The following GRM5 variants were observed in gnomAD, a reference collection of about 807,000 sequenced individuals.
GRM5 encodes the protein glutamate metabotropic receptor 5.
A neutral mutation model predicts 83.1 loss-of-function variants in GRM5; 19 were observed. The ratio of observed to expected loss-of-function variants is 0.23; its 90% CI spans 0.16 to 0.34. The LOEUF (loss-of-function observed/expected upper bound fraction) is 0.34. Ranked by LOEUF, GRM5 falls within the 10% of genes least tolerant of loss-of-function variation. The pLI is 1.00. For missense variants in GRM5, 1,160 were observed against 1,588.3 expected (o/e 0.73, Z 4.58); for synonymous variants, 675 against 633.6 (o/e 1.07, Z -0.98).
At chr11:88,705,093 GTAAGACAGT>G (rs1196250757) in intron 3 of GRM5, among the ~76,000 whole-genome samples, 1 of 151,998 alleles carries the variant, frequency 6.6e-6, no homozygotes, top group African/African-American at 2.4e-5. Flanking sequence ...TATGTTATAG[GTAAGACAGT>G]TAACACAATA....
rs529937076 is a variant in GRM5 at position 88,891,181 on chromosome 11, G to C, written c.662-41026C>G. Among the ~76,000 whole-genome samples, 20 of 152,068 alleles carry C rather than the reference G, an allele frequency of 1.3e-4. No homozygotes were observed. The South Asian group carries it at 4.0e-3, about 30-fold the overall frequency. ...TAAGATTAGATGGAATTGTCTTTAG[G>C]GTGGCATTTAATCAAATTGGGGTTA... On this transcript the variant is annotated intron_variant, in intron 2 of 9. Coordinates refer to ENST00000305447, the MANE Select transcript of GRM5 (RefSeq NM_001143831.3).
chr11:88,876,782 G>A (rs376189321), intron 2 of GRM5, among the ~76,000 whole-genome samples: 28 of 152,092 alleles, frequency 1.8e-4, no homozygotes, highest in Non-Finnish European at 2.5e-4. Context: ...GAACACAAAC[G>A]TTTATTGATT....
intron 4 of GRM5, among the ~76,000 whole-genome samples, chr11:88,612,128 C>A (rs1289158770): frequency 7.1e-6 from 1 of 141,118 alleles, no homozygotes; most frequent in Non-Finnish European, 1.5e-5. Context: ...TCCCCCCATC[C>A]CACCACAGTC....
chr11:88,639,212 G>A (rs909536654), intron 4 of GRM5, among the ~76,000 whole-genome samples: 1 of 152,060 alleles, frequency 6.6e-6, no homozygotes, highest in Non-Finnish European at 1.5e-5. Context: ...GTTCTGTCCC[G>A]GGTCATGCGT....
At chr11:88,735,333 G>T (rs976852183) in intron 3 of GRM5, among the ~76,000 whole-genome samples, 1 of 151,944 alleles carries the variant, frequency 6.6e-6, no homozygotes, top group African/African-American at 2.4e-5. Context: ...CATTCATTTT[G>T]CTGAAAAATG....
chr11:88,740,119 G>C (rs1028819360), intron 3 of GRM5, among the ~76,000 whole-genome samples: 1 of 151,930 alleles, frequency 6.6e-6, no homozygotes, highest in African/African-American at 2.4e-5. Context: ...ACTTTGTAAT[G>C]GCTAAGTACA....
intron 2 of GRM5, among the ~76,000 whole-genome samples, chr11:88,919,210 A>G (rs1283234327): frequency 8.1e-6 from 1 of 123,770 alleles, no homozygotes; most frequent in African/African-American, 2.8e-5. Context: ...ATCCCACACC[A>G]ATGGCATTCG....
At position 88,767,070 on chromosome 11, in the gene GRM5, C is replaced by T. The variant is rs149101236; in HGVS notation, c.911+82836G>A. On this transcript the variant is annotated intron_variant, in intron 3 of 9. Coordinates refer to ENST00000305447, the MANE Select transcript of GRM5 (RefSeq NM_001143831.3). The stretch of plus-strand genomic sequence containing the variant: ...GTTTGATACAGCTGGAGTGCAGTGT[C>T]ATAATCACAGTTCACTTCAACCCCA... Among the ~76,000 whole-genome samples, 265 of 151,944 alleles carry T rather than the reference C, an allele frequency of 1.7e-3. 1 individual carries two copies. The highest frequency in any genetic ancestry group is 3.6e-3 in the Admixed American group (55 of 15,202).
chr11:88,520,940 G>GTAA (rs1364675123), intron 9 of GRM5, among the ~76,000 whole-genome samples: 2 of 152,092 alleles, frequency 1.3e-5, no homozygotes, highest in African/African-American at 2.4e-5. Flanking sequence ...TCACAAAAGA[G>GTAA]TAATAATAAT....
intron 2 of GRM5, among the ~76,000 whole-genome samples, chr11:88,867,115 C>T (rs1011649224): frequency 8.6e-5 from 13 of 151,060 alleles, no homozygotes; most frequent in Admixed American, 6.0e-4. Flanking sequence ...GTAGCCTTGT[C>T]GTATAGCTTA....
chr11:88,960,037 A>ACCT (rs1938735690), intron 2 of GRM5, among the ~76,000 whole-genome samples: 1 of 152,136 alleles, frequency 6.6e-6, no homozygotes, highest in African/African-American at 2.4e-5. Flanking sequence ...CAAGCCATGC[A>ACCT]GACTCCGGGT....
In GRM5 at chr11:88,797,934, C is replaced by T. The variant is rs79394987; in HGVS notation, c.911+51972G>A. 8.7e-3 allele frequency among the ~76,000 whole-genome samples: 1,318 copies of T among 151,976 alleles called. 12 individuals carry two copies. Among genetic ancestry groups the T allele is most frequent in the Middle Eastern group, 0.055 (16 of 292 alleles). ...AGAATAAACATAGAAAATAATAACTCTTAATATGTCATGAGTATCATGACA... is the reference window on the plus strand; with the variant it reads ...AGAATAAACATAGAAAATAATAACTTTTAATATGTCATGAGTATCATGACA... On this transcript the variant is annotated intron_variant, in intron 3 of 9. Coordinates refer to ENST00000305447, the MANE Select transcript of GRM5 (RefSeq NM_001143831.3).
At chr11:88,965,132 A>G (rs1172418264) in intron 2 of GRM5, among the ~76,000 whole-genome samples, 1 of 152,230 alleles carries the variant, frequency 6.6e-6, no homozygotes, top group Non-Finnish European at 1.5e-5. Context: ...GTTATATTCT[A>G]TCTACAAGAA....
At chr11:88,806,129 CTT>C (rs1167378410) in intron 3 of GRM5, among the ~76,000 whole-genome samples, 2 of 152,158 alleles carry the variant, frequency 1.3e-5, no homozygotes, top group Admixed American at 1.3e-4. Flanking sequence ...AAAGAAAAAA[CTT>C]TGTGGTTCTT....
At chr11:88,766,313 G>A (rs533422801) in intron 3 of GRM5, among the ~76,000 whole-genome samples, 5 of 151,808 alleles carry the variant, frequency 3.3e-5, no homozygotes, top group East Asian at 3.9e-4. Flanking sequence ...ACTATACTAC[G>A]GGGCTCCCAT....
intron 8 of GRM5, among the ~76,000 whole-genome samples, chr11:88,548,104 T>C (rs913700172): frequency 1.3e-5 from 2 of 152,356 alleles, no homozygotes; most frequent in African/African-American, 4.8e-5. Flanking sequence ...AGGATATTCC[T>C]ATCTTTTTCT....
At chr11:88,713,698 G>C (rs575803602) in intron 3 of GRM5, among the ~76,000 whole-genome samples, 1 of 152,090 alleles carries the variant, frequency 6.6e-6, no homozygotes, top group African/African-American at 2.4e-5. Flanking sequence ...TTTTTCTCCA[G>C]TGGGAAATAC....
intron 3 of GRM5, among the ~76,000 whole-genome samples, chr11:88,691,561 C>G (rs1940780886): frequency 6.6e-6 from 1 of 152,186 alleles, no homozygotes; most frequent in Admixed American, 6.6e-5. Context: ...TCATACTTCT[C>G]ACCTTCTCTT....
intron 8 of GRM5, among the ~76,000 whole-genome samples, chr11:88,551,063 C>A (rs1276088369): frequency 6.6e-6 from 1 of 151,776 alleles, no homozygotes; most frequent in African/African-American, 2.4e-5. Flanking sequence ...GACAGTAGTA[C>A]CTGCTACTGT....
Sources: allele counts gnomAD v4.1 joint callset (sites outside exome capture counted in the v4.1 genomes callset), GRCh38; gene constraint gnomAD v4.1.1; transcripts MANE v1.5; gene names NCBI Gene and HGNC (gene_info 2026-07-23, HGNC 2026-07-21).